Variants in CRB1 observed in about 807,000 individuals in gnomAD.
CRB1 encodes protein crumbs homolog 1.
In CRB1, 83 loss-of-function variants were observed where a neutral mutation model predicts 120.0. The observed-to-expected ratio is 0.69, with a 90% CI of 0.58 to 0.83. The LOEUF is 0.83. Ranked by LOEUF, CRB1 falls within the 40% of genes least tolerant of loss-of-function variation. The pLI is 0.00. For missense variants in CRB1, 1,699 were observed against 1,687.6 expected (o/e 1.01, Z -0.12); for synonymous variants, 625 against 612.5 (o/e 1.02, Z -0.30).
At chr1:197,210,183 A>G in the CRB1 span, among the ~76,000 whole-genome samples, 3 of 152,236 alleles carry the variant, frequency 2.0e-5, no homozygotes, top group Non-Finnish European at 2.9e-5. Context: ...AGTATTTACC[A>G]GTAACAACTG....
chr1:197,288,893 AAGAG>A (rs1352806932), intron 1 of CRB1, among the ~76,000 whole-genome samples: 2 of 151,820 alleles, frequency 1.3e-5, no homozygotes, highest in African/African-American at 4.8e-5. Context: ...CTCCCTGAAA[AAGAG>A]AGTGAGAATA....
At chr1:197,243,768 TG>T in the CRB1 span, among the ~76,000 whole-genome samples, 1 of 152,144 alleles carries the variant, frequency 6.6e-6, no homozygotes, top group African/African-American at 2.4e-5. Flanking sequence ...ATATTGACAG[TG>T]GGTTGTTAAA....
chr1:197,316,608 TA>T (rs1410081147), intron 1 of CRB1, among the ~76,000 whole-genome samples: 2 of 151,804 alleles, frequency 1.3e-5, no homozygotes, highest in Non-Finnish European at 2.9e-5. Flanking sequence ...GCCAAGAAAA[TA>T]AAAAAAGTAA....
At chr1:197,230,782 G>A in the CRB1 span, among the ~76,000 whole-genome samples, 3 of 152,136 alleles carry the variant, frequency 2.0e-5, 1 homozygote, top group South Asian at 6.2e-4. Flanking sequence ...TTTACCCAAA[G>A]AAAAGGTAGA....
At chr1:197,358,158 A>G (rs1232540360) in intron 5 of CRB1, 1 of 152,118 alleles carries the variant, frequency 6.6e-6, no homozygotes, top group East Asian at 1.9e-4. Context: ...ATATTTGTGT[A>G]TTTACCTCAC....
Position 197,436,623 on chromosome 1 carries a change from G to T in CRB1, c.3749+1011G>T, listed in dbSNP as rs924639567. ...TACGTATATATACAAACAAGAATGA[G>T]TGAATGAATTTATTAATAAATACAA... is the stretch of plus-strand genomic sequence containing the variant. On this transcript the variant is annotated intron_variant, in intron 9 of 11. Coordinates refer to ENST00000367400, the MANE Select transcript of CRB1 (RefSeq NM_201253.3). 2.0e-5 allele frequency among the ~76,000 whole-genome samples: 3 copies of T among 152,076 alleles called. No individual in the cohort carries two copies. The East Asian group carries it at 5.8e-4, about 29-fold the overall frequency.
the CRB1 span, among the ~76,000 whole-genome samples, chr1:197,215,719 C>G: frequency 2.0e-5 from 3 of 152,178 alleles, no homozygotes; most frequent in South Asian, 2.1e-4. Flanking sequence ...TGAAGAAGAA[C>G]GTGTTTGCTT....
intron 11 of CRB1, among the ~76,000 whole-genome samples, chr1:197,446,791 G>A (rs1330936579): frequency 1.3e-5 from 2 of 152,148 alleles, no homozygotes; most frequent in African/African-American, 4.8e-5. Context: ...CTAAGGGGGT[G>A]ATAACTTAAA....
the CRB1 span, among the ~76,000 whole-genome samples, chr1:197,232,579 A>G: frequency 6.6e-6 from 1 of 152,182 alleles, no homozygotes; most frequent in Non-Finnish European, 1.5e-5. Flanking sequence ...ATGAAAAGAA[A>G]TCAAGAATAG....
At chr1:197,233,353 C>A in the CRB1 span, among the ~76,000 whole-genome samples, 1 of 152,004 alleles carries the variant, frequency 6.6e-6, no homozygotes, top group African/African-American at 2.4e-5. Context: ...TTTTCTAGAG[C>A]CAATTAAAAA....
intron 1 of CRB1, among the ~76,000 whole-genome samples, chr1:197,316,104 A>G (rs897326177): frequency 6.6e-6 from 1 of 152,220 alleles, no homozygotes; most frequent in African/African-American, 2.4e-5. Context: ...GGTTTTAAAC[A>G]TCATTGCCAT....
intron 5 of CRB1, among the ~76,000 whole-genome samples, chr1:197,415,708 T>C (rs1427909728): frequency 6.8e-6 from 1 of 147,060 alleles, no homozygotes; most frequent in African/African-American, 2.5e-5. Context: ...AGTGGTTTGA[T>C]CTCGGCTCAC....
the CRB1 span, among the ~76,000 whole-genome samples, chr1:197,235,518 A>G: frequency 3.3e-5 from 5 of 152,164 alleles, no homozygotes; most frequent in African/African-American, 9.7e-5. Context: ...TGACAGACAC[A>G]TGGTACCATT....
the CRB1 span, among the ~76,000 whole-genome samples, chr1:197,248,767 A>T: frequency 6.6e-6 from 1 of 151,892 alleles, no homozygotes; most frequent in Non-Finnish European, 1.5e-5. Context: ...TTGGGTCCTT[A>T]TTATTGATTA....
chr1:197,464,509 TG>T (rs773739813), intron 11 of CRB1, among the ~76,000 whole-genome samples: 2 of 151,958 alleles, frequency 1.3e-5, no homozygotes, highest in Non-Finnish European at 2.9e-5. Context: ...GAGTGTTGTT[TG>T]GGGTATGGGA....
intron 1 of CRB1, among the ~76,000 whole-genome samples, chr1:197,319,657 TTC>T (rs1020242058): frequency 1.3e-5 from 2 of 152,128 alleles, no homozygotes; most frequent in African/African-American, 4.8e-5. Flanking sequence ...GTGTCATCAT[TTC>T]TCTCTTTCTT....
chr1:197,473,549 A>G (rs1431201249), intron 11 of CRB1, among the ~76,000 whole-genome samples: 1 of 152,102 alleles, frequency 6.6e-6, no homozygotes, highest in South Asian at 2.1e-4. Flanking sequence ...TTAATCATAC[A>G]TACAATATAC....
chr1:197,226,826 C>T, the CRB1 span, among the ~76,000 whole-genome samples: 1 of 152,080 alleles, frequency 6.6e-6, no homozygotes, highest in Non-Finnish European at 1.5e-5. Context: ...TCAATCATGG[C>T]AGGAGGTGAA....
At chr1:197,461,627 A>G (rs1323657711) in intron 11 of CRB1, among the ~76,000 whole-genome samples, 1 of 152,110 alleles carries the variant, frequency 6.6e-6, no homozygotes, top group Non-Finnish European at 1.5e-5. Context: ...CCTTTTAAAG[A>G]CCTGTCCACT....
Sources: gnomAD v4.1 joint callset for allele counts (sites outside exome capture counted in the v4.1 genomes callset) on GRCh38, gnomAD v4.1.1 for gene constraint, MANE v1.5 for transcripts, NCBI Gene and HGNC (gene_info 2026-07-23, HGNC 2026-07-21) for gene names.